The following FRZB variants were observed in gnomAD, a reference collection of about 807,000 sequenced individuals.
FRZB encodes frizzled related protein.
In FRZB, 34 loss-of-function variants were observed where a neutral mutation model predicts 32.5. The ratio of observed to expected loss-of-function variants is 1.05; its 90% confidence interval spans 0.80 to 1.39. FRZB has a LOEUF of 1.39. Ranked by LOEUF, FRZB falls within the 40% of genes most tolerant of loss-of-function variation. FRZB has a pLI of 0.00. For missense variants in FRZB, 423 were observed against 424.8 expected, an observed-to-expected ratio of 1.00 and a Z score of 0.04; for synonymous variants, 170 against 159.2, an observed-to-expected ratio of 1.07 and a Z score of -0.51.
intron 3 of FRZB, among the ~76,000 whole-genome samples, chr2:182,839,444 C>T (rs551721973): frequency 1.3e-3 from 198 of 152,140 alleles, no homozygotes; most frequent in African/African-American, 4.5e-3. Context: ...CTTTCCCTCA[C>T]GTGCTATGGA....
chr2:182,849,360 G>A (rs372455569), intron 2 of FRZB, among the ~76,000 whole-genome samples: 5 of 152,050 alleles, frequency 3.3e-5, no homozygotes, highest in East Asian at 3.9e-4. Context: ...CTTAAGATTT[G>A]TAGTATTTTA....
intron 1 of FRZB, among the ~76,000 whole-genome samples, chr2:182,862,797 C>G (rs1695848072): frequency 6.6e-6 from 1 of 150,630 alleles, no homozygotes; most frequent in African/African-American, 2.4e-5. Flanking sequence ...GAAACACAGT[C>G]TGGCTCTGTC....
At chr2:182,842,607 C>T in intron 2 of FRZB, 64 bp from the exon 3 acceptor site, 2 of 1,368,756 alleles carry the variant, frequency 1.5e-6, no homozygotes, top group Non-Finnish European at 2.1e-6. Flanking sequence ...TTTGCTCAGA[C>T]TCACATTTTT....
chr2:182,835,745 T>C (rs887153488), intron 5 of FRZB, among the ~76,000 whole-genome samples: 4 of 152,108 alleles, frequency 2.6e-5, no homozygotes, highest in Non-Finnish European at 5.9e-5. Flanking sequence ...AATTCTCATT[T>C]AGCAGGTCTG....
Position 182,834,755 on chromosome 2 carries a change from A to G in FRZB, c.*94T>C. 1.2e-6 allele frequency: 1 copy of G among 830,892 alleles called. No individual in the cohort carries two copies. The highest frequency in any genetic ancestry group is 2.1e-6 in the Non-Finnish European group (1 of 468,648). The allele number at this position is 830,892 out of a possible 1,614,324, so 51.5% of individuals were successfully genotyped here. Reference sequence around the variant, plus strand: ...TGATTTTTATAGTAAACAATAGAATATGATGTGCAATAGTGCAATTTTCCT... The same window carrying G: ...TGATTTTTATAGTAAACAATAGAATGTGATGTGCAATAGTGCAATTTTCCT... On this transcript the variant is annotated 3_prime_UTR_variant, in exon 6 of 6. Coordinates refer to ENST00000295113, the MANE Select transcript of FRZB (RefSeq NM_001463.4).
chr2:182,835,337 T>G (rs1389069971), intron 5 of FRZB, among the ~76,000 whole-genome samples: 1 of 152,000 alleles, frequency 6.6e-6, no homozygotes, highest in Non-Finnish European at 1.5e-5. Context: ...ACACAGAATT[T>G]GAAGGGAAGG....
intron 3 of FRZB, among the ~76,000 whole-genome samples, chr2:182,841,460 C>T (rs1695585544): frequency 6.6e-6 from 1 of 152,046 alleles, no homozygotes; most frequent in Middle Eastern, 3.2e-3. Flanking sequence ...AATAATAAAA[C>T]TCTTATTTTA....
At chr2:182,860,669 C>A (rs1303539818) in intron 1 of FRZB, among the ~76,000 whole-genome samples, 3 of 152,094 alleles carry the variant, frequency 2.0e-5, no homozygotes, top group Admixed American at 6.6e-5. Context: ...GAGTTCGAGA[C>A]CAGCCTGGCC....
chr2:182,844,245 C>T lies in FRZB; in HGVS notation c.527-1702G>A, dbSNP rs1695615903. ...CACACAATTTCTGTGAAGATCTCAG[C>T]CAATAAACAATGAGTAACATTAGTG... On this transcript the variant is annotated intron_variant, in intron 2 of 5. Transcript: ENST00000295113. Among the ~76,000 whole-genome samples the T allele has an allele frequency of 4.0e-5, 6 of 151,682 alleles. 1 individual carries two copies. The South Asian group carries it at 1.3e-3, about 32-fold the overall frequency.
intron 2 of FRZB, among the ~76,000 whole-genome samples, chr2:182,846,358 G>T (rs989845109): frequency 6.6e-6 from 1 of 152,128 alleles, no homozygotes; most frequent in African/African-American, 2.4e-5. Context: ...AACTTCATCA[G>T]ATCCCCAAAC....
intron 1 of FRZB, among the ~76,000 whole-genome samples, chr2:182,860,311 C>T (rs1695817224): frequency 6.6e-6 from 1 of 151,760 alleles, no homozygotes; most frequent in South Asian, 2.1e-4. Flanking sequence ...AACAAATTAC[C>T]CTAAATGAAA....
chr2:182,849,035 G>A (rs1574985493), intron 2 of FRZB, among the ~76,000 whole-genome samples: 1 of 152,076 alleles, frequency 6.6e-6, no homozygotes, highest in East Asian at 1.9e-4. Flanking sequence ...AGACCATCCT[G>A]GCTAACACGG....
At chr2:182,864,828 C>G (rs771133256) in intron 1 of FRZB, among the ~76,000 whole-genome samples, 10 of 151,918 alleles carry the variant, frequency 6.6e-5, no homozygotes, top group African/African-American at 9.7e-5. Flanking sequence ...AAGAAATAAA[C>G]AGATGGAGGC....
At chr2:182,850,987 C>T (rs1029930108) in intron 2 of FRZB, among the ~76,000 whole-genome samples, 7 of 152,136 alleles carry the variant, frequency 4.6e-5, no homozygotes, top group Non-Finnish European at 7.4e-5. Flanking sequence ...AAAATTTTTT[C>T]ATATACCTGT....
At chr2:182,841,690 A>C (rs1020271410) in intron 3 of FRZB, among the ~76,000 whole-genome samples, 1 of 152,188 alleles carries the variant, frequency 6.6e-6, no homozygotes, top group Non-Finnish European at 1.5e-5. Context: ...AAATGAATTT[A>C]TGACTCTAAA....
intron 2 of FRZB, among the ~76,000 whole-genome samples, chr2:182,847,871 C>A (rs1695663449): frequency 6.6e-6 from 1 of 152,048 alleles, no homozygotes; most frequent in Non-Finnish European, 1.5e-5. Flanking sequence ...AAACCAGTCA[C>A]CTCAGTTGAG....
intron 1 of FRZB, among the ~76,000 whole-genome samples, chr2:182,864,633 A>AT (rs1430530292): frequency 6.6e-6 from 1 of 152,026 alleles, no homozygotes; most frequent in Non-Finnish European, 1.5e-5. Flanking sequence ...TCTTCTGTTT[A>AT]TTTTTTTTCC....
intron 2 of FRZB, among the ~76,000 whole-genome samples, chr2:182,856,264 A>C (rs2105761943): frequency 6.6e-6 from 1 of 152,174 alleles, no homozygotes; most frequent in Non-Finnish European, 1.5e-5. Flanking sequence ...AAAATACAGT[A>C]GGCTACTATT....
chr2:182,862,996 C>T (rs1335160635), intron 1 of FRZB, among the ~76,000 whole-genome samples: 2 of 152,166 alleles, frequency 1.3e-5, no homozygotes, highest in Non-Finnish European at 2.9e-5. Context: ...TCTCCAACTC[C>T]TGACCTCAAG....
Sources: allele counts gnomAD v4.1 joint callset (sites outside exome capture counted in the v4.1 genomes callset), GRCh38; gene constraint gnomAD v4.1.1; transcripts MANE v1.5; gene names NCBI Gene and HGNC (gene_info 2026-07-23, HGNC 2026-07-21).